The following UNC93A variants were observed in gnomAD, a reference collection of about 807,000 sequenced individuals.
UNC93A encodes the protein N-acetylglucosamine transporter UNC93A.
Under a neutral mutation model 47.5 loss-of-function variants are expected in UNC93A, and 43 were observed. The observed-to-expected ratio is 0.91, with a 90% CI of 0.71 to 1.17. The LOEUF (loss-of-function observed/expected upper bound fraction) is 1.17, where lower values mean the gene tolerates loss of function less well. Among genes scored for constraint, UNC93A ranks in the 50% most tolerant of loss-of-function variants. The pLI is 0.00. For missense variants in UNC93A, 605 were observed against 577.6 expected (o/e 1.05, Z -0.49); for synonymous variants, 280 against 258.0 (o/e 1.09, Z -0.82).
At position 167,291,540 on chromosome 6, in the gene UNC93A, TC is replaced by T; in HGVS notation, c.52del (p.Leu18SerfsTer76). The T allele has an allele frequency of 1.2e-6, 2 of 1,613,828 alleles. No homozygotes were observed. Among genetic ancestry groups the T allele is most frequent in the Non-Finnish European group, 1.7e-6 (2 of 1,179,896 alleles). ...TTGTGGTTTCCTTTGGGTTCCTGCT[TC>T]TCTTTACAGCCTATGGAGGTCTGCA... ...VLVVSFGFLL[L>X]FTAYGGLQSL... On this transcript the variant is annotated frameshift_variant, in exon 1 of 8. Transcript: ENST00000230256. LOFTEE classifies it high-confidence loss of function.
intron 3 of UNC93A, 58 bp downstream of exon 3, chr6:167,296,319 G>T: frequency 6.4e-7 from 1 of 1,567,492 alleles, no homozygotes; most frequent in Non-Finnish European, 8.8e-7. Flanking sequence ...TCAGTGATGG[G>T]GGAGAGGGTT....
chr6:167,292,393 T>A (rs1783861215), intron 1 of UNC93A, among the ~76,000 whole-genome samples: 2 of 152,210 alleles, frequency 1.3e-5, no homozygotes, highest in Non-Finnish European at 2.9e-5. Context: ...GGGCACCTAC[T>A]GTGTGCATAG....
In UNC93A at chr6:167,307,931, C is replaced by T. The variant is rs910464702; in HGVS notation, c.1108+21C>T. The T allele has an allele frequency of 2.5e-6, 4 of 1,612,328 alleles. No individual in the cohort carries two copies. In the African/African-American group the frequency reaches 4.0e-5, roughly 16 times the overall value. On this transcript the variant is annotated intron_variant, in intron 7 of 7. Coordinates refer to ENST00000230256, the MANE Select transcript of UNC93A (RefSeq NM_018974.4). Reference sequence around the variant, plus strand: ...CAATGGTGAGTCCCCAGCCCAGGCCCCTTCCTCTGTGGCAGCAGGGGGCGG... The same window carrying T: ...CAATGGTGAGTCCCCAGCCCAGGCCTCTTCCTCTGTGGCAGCAGGGGGCGG...
chr6:167,312,498 C>A (rs938010946), intron 7 of UNC93A, among the ~76,000 whole-genome samples: 1 of 152,228 alleles, frequency 6.6e-6, no homozygotes, highest in South Asian at 2.1e-4. Flanking sequence ...AATCATTGAT[C>A]TGCATCAGCA....
rs143654651 is a variant in UNC93A, at chr6:167,294,609, C to A, written c.180C>A (p.Leu60=). Residue 60 remains leucine (L), a synonymous_variant, in exon 2 of 8, where the codon CTC becomes CTA. Coordinates refer to ENST00000230256, the MANE Select transcript of UNC93A (RefSeq NM_018974.4). ...MLLSSMFLPP[L]LIERLGCKGT... ...TGTCCTCCATGTTCCTCCCACCGCT[C>A]CTCATCGAGAGGCTGGGCTGCAAGG... 1.2e-6 allele frequency: 2 copies of A among 1,613,956 alleles called. No individual in the cohort carries two copies. The highest frequency in any genetic ancestry group is 1.1e-5 in the South Asian group (1 of 91,060).
intron 1 of UNC93A, among the ~76,000 whole-genome samples, chr6:167,285,378 T>C (rs1056424367): frequency 6.6e-6 from 1 of 151,868 alleles, no homozygotes; most frequent in African/African-American, 2.4e-5. Flanking sequence ...AATCCCACTG[T>C]GTGCTTCTTT....
chr6:167,297,586 CA>C (rs1778123299), intron 3 of UNC93A, among the ~76,000 whole-genome samples: 1 of 152,178 alleles, frequency 6.6e-6, no homozygotes, highest in African/African-American at 2.4e-5. Context: ...GCATTCCTGG[CA>C]CCCAATCTCA....
intron 4 of UNC93A, among the ~76,000 whole-genome samples, chr6:167,298,975 G>A (rs888925868): frequency 3.0e-4 from 45 of 151,666 alleles, no homozygotes; most frequent in African/African-American, 1.1e-3. Context: ...TTAGCTGAGC[G>A]AGCATGGTGG....
chr6:167,296,329 T>C, intron 3 of UNC93A, 68 bp downstream of exon 3: 3 of 1,533,012 alleles, frequency 2.0e-6, no homozygotes, highest in Non-Finnish European at 2.7e-6. Flanking sequence ...GGGAGAGGGT[T>C]CCTGATTTCA....
At chr6:167,300,927 G>A (rs568898917) in intron 4 of UNC93A, among the ~76,000 whole-genome samples, 1 of 152,244 alleles carries the variant, frequency 6.6e-6, no homozygotes, top group Non-Finnish European at 1.5e-5. Context: ...AGGGCTGACA[G>A]CAAATATTCC....
intron 4 of UNC93A, among the ~76,000 whole-genome samples, chr6:167,301,311 G>A (rs1778234483): frequency 6.6e-6 from 1 of 152,234 alleles, no homozygotes; most frequent in Admixed American, 6.5e-5. Flanking sequence ...AAGTTATGTA[G>A]AGCAGAGATC....
intron 4 of UNC93A, among the ~76,000 whole-genome samples, chr6:167,299,364 C>A (rs1778179046): frequency 6.6e-6 from 1 of 152,096 alleles, no homozygotes; most frequent in Non-Finnish European, 1.5e-5. Flanking sequence ...TTCGTGGGCA[C>A]TGCAGAGCTT....
chr6:167,291,424 A>T lies in UNC93A; in HGVS notation c.-66A>T, dbSNP rs149310329. The T allele has an allele frequency of 2.1e-6, 3 of 1,442,906 alleles. No individual in the cohort carries two copies. The highest frequency in any genetic ancestry group is 2.3e-5 in the East Asian group (1 of 43,732). 89.4% of individuals were successfully genotyped at this position (1,442,906 alleles called of 1,614,324 possible). A position where few individuals can be genotyped will look rare whatever the true frequency, so the allele number is the denominator to read the frequency against. ...TACTGATTGTTTTTCCCATGCCTCA[A>T]TTGGTTTCTTTTAGGGAGCTACAAA... On this transcript the variant is annotated 5_prime_UTR_variant, in exon 1 of 8. Transcript: ENST00000230256.
intron 1 of UNC93A, among the ~76,000 whole-genome samples, chr6:167,293,399 C>T (rs1406813248): frequency 6.6e-6 from 1 of 152,128 alleles, no homozygotes; most frequent in Admixed American, 6.5e-5. Context: ...GGTTCGAGGC[C>T]CCACCCGGGC....
chr6:167,284,527 C>T (rs1783688372), intron 1 of UNC93A, among the ~76,000 whole-genome samples: 3 of 152,402 alleles, frequency 2.0e-5, no homozygotes, highest in African/African-American at 4.8e-5. Context: ...GCATGCCCAT[C>T]CTCTCCGCTA....
chr6:167,298,139 A>G (rs1048168270), intron 4 of UNC93A, 69 bp downstream of exon 4: 17 of 1,554,710 alleles, frequency 1.1e-5, no homozygotes, highest in Non-Finnish European at 1.5e-5. Context: ...CTGGGCTGAC[A>G]AAGACTGTCT....
chr6:167,280,434 TTTCAAAGCC>T (rs1282913927), intron 1 of UNC93A, among the ~76,000 whole-genome samples: 1 of 152,214 alleles, frequency 6.6e-6, no homozygotes, highest in Non-Finnish European at 1.5e-5. Flanking sequence ...GAACCCTGTC[TTTCAAAGCC>T]TTCACTTCCG....
At chr6:167,286,435 A>G (rs1053569466), upstream of UNC93A, among the ~76,000 whole-genome samples, 5 of 152,218 alleles carry the variant, frequency 3.3e-5, no homozygotes, top group Admixed American at 6.5e-5. Flanking sequence ...CCTCAGTCTC[A>G]CCTGCTGACA....
upstream of UNC93A, among the ~76,000 whole-genome samples, chr6:167,287,098 C>T (rs1436964903): frequency 1.3e-5 from 2 of 152,044 alleles, no homozygotes; most frequent in South Asian, 2.1e-4. Flanking sequence ...CCGGCTTCCT[C>T]GGCTATCCAA....
Sources: gnomAD v4.1 joint callset for allele counts (sites outside exome capture counted in the v4.1 genomes callset) on GRCh38, gnomAD v4.1.1 for gene constraint, MANE v1.5 for transcripts, NCBI Gene and HGNC (gene_info 2026-07-23, HGNC 2026-07-21) for gene names.